Variants in PHF12 observed in about 807,000 individuals in gnomAD.
PHF12 encodes the protein PHD factor 1.
Under a neutral mutation model 99.8 loss-of-function variants are expected in PHF12, and 6 were observed. The ratio of observed to expected loss-of-function variants is 0.06; its 90% CI spans 0.03 to 0.12. The LOEUF (loss-of-function observed/expected upper bound fraction) is 0.12. Among genes scored for constraint, PHF12 ranks in the 10% least tolerant of loss-of-function variants. PHF12 has a pLI of 1.00. For synonymous variants in PHF12, 480 were observed against 514.9 expected (o/e 0.93, Z 0.92); for missense variants, 954 against 1,300.1 (o/e 0.73, Z 4.09).
intron 3 of PHF12, chr17:28,926,335 G>A (rs796602447): frequency 1.6e-5 from 3 of 182,866 alleles, no homozygotes; most frequent in African/African-American, 7.2e-5. Flanking sequence ...GCACAGGGGG[G>A]TGGATTACAA....
At chr17:28,927,477 C>T (rs922631116) in intron 2 of PHF12, among the ~76,000 whole-genome samples, 2 of 152,188 alleles carry the variant, frequency 1.3e-5, no homozygotes, top group African/African-American at 4.8e-5. Context: ...CTTCCTATTT[C>T]TTCCTCTAGA....
chr17:28,926,424 C>T (rs924993749), intron 3 of PHF12: 5 of 234,720 alleles, frequency 2.1e-5, no homozygotes, highest in Non-Finnish European at 4.3e-5. Flanking sequence ...ACACCTACTT[C>T]CTTTTTTAAT....
At position 28,906,389 on chromosome 17, in the gene PHF12, T is replaced by C. The variant is rs1413691176; in HGVS notation, c.2809A>G (p.Ser937Gly). The C allele has an allele frequency of 1.2e-6, 2 of 1,614,110 alleles. No homozygotes were observed. The highest frequency in any genetic ancestry group is 1.1e-5 in the South Asian group (1 of 91,090). The change falls in exon 15 of 15, where the codon AGT (serine) becomes GGT (glycine). Residue 937 changes from serine to glycine, a missense_variant. This residue lies in a region of PHF12 where 136 missense variants were observed against 172.3 expected (regional missense o/e 0.79). Transcript: ENST00000332830. This position sits in a 1 kb window ranked among gnomAD's most constrained non-coding sequence, Gnocchi z 4.2. ...GCTGTGCCCTCCCAGCCGGCCCCAC[T>C]GCCCCCAATCAAGCTCGAGCTGCTG... is the stretch of plus-strand genomic sequence containing the variant. ...KASSSSLIGGSGAGWEGTALL... is the reference protein window; with the variant it reads ...KASSSSLIGGGGAGWEGTALL...
chr17:28,928,836 A>G (rs1006710938), intron 2 of PHF12, among the ~76,000 whole-genome samples: 2 of 152,036 alleles, frequency 1.3e-5, no homozygotes, highest in Admixed American at 6.6e-5. Context: ...GGTGGCTTAC[A>G]CTTGTAATCC....
chr17:28,925,545 G>A (rs1188023912), intron 3 of PHF12: 1 of 152,298 alleles, frequency 6.6e-6, no homozygotes, highest in Non-Finnish European at 1.5e-5. Flanking sequence ...TGAAAGGTAA[G>A]AGAGGCATCT....
rs1272303593 is a variant in PHF12, at chr17:28,949,331, A to C, written c.248+734T>G. Among the ~76,000 whole-genome samples the C allele has an allele frequency of 6.6e-6, 1 of 152,076 alleles. No individual in the cohort carries two copies. Among genetic ancestry groups the C allele is most frequent in the Non-Finnish European group, 1.5e-5 (1 of 67,990 alleles). On this transcript the variant is annotated intron_variant, in intron 2 of 14. Coordinates refer to ENST00000332830, the MANE Select transcript of PHF12 (RefSeq NM_001033561.2). The surrounding 1 kb of genome is among the most constrained non-coding windows in gnomAD (Gnocchi z 4.6). ...GAGGAGGGAAGAGGGAGGAGGAAGG[A>C]AGGCAGCTCTGAGAGGCAACAGGGG...
chr17:28,918,721 T>C lies in PHF12; in HGVS notation c.969+422A>G, dbSNP rs116117309. Among the ~76,000 whole-genome samples, 892 of 152,300 alleles carry C rather than the reference T, an allele frequency of 5.9e-3. 9 individuals are homozygous for C. The highest frequency in any genetic ancestry group is 0.02 in the African/African-American group (835 of 41,560). Reference sequence around the variant, plus strand: ...AGTCTGGAAAATAAACCCAAGACTCTTGGAAGAGAAAGCAATAGGACCTTC... The same window carrying C: ...AGTCTGGAAAATAAACCCAAGACTCCTGGAAGAGAAAGCAATAGGACCTTC... On this transcript the variant is annotated intron_variant, in intron 6 of 14. Transcript: ENST00000332830.
At chr17:28,939,999 T>TC (rs1208319786) in intron 2 of PHF12, among the ~76,000 whole-genome samples, 1 of 152,232 alleles carries the variant, frequency 6.6e-6, no homozygotes, top group African/African-American at 2.4e-5. Flanking sequence ...ACGGAGTTGC[T>TC]CCCTGCCCTG....
chr17:28,928,649 G>T (rs553859243), intron 2 of PHF12, among the ~76,000 whole-genome samples: 4 of 152,080 alleles, frequency 2.6e-5, no homozygotes, highest in Non-Finnish European at 5.9e-5. Context: ...GGGCGTGGTG[G>T]TGGGCACCTG....
intron 3 of PHF12, 114 bp downstream of exon 3, chr17:28,926,877 G>T (rs773131130): frequency 1.5e-5 from 24 of 1,579,026 alleles, no homozygotes; most frequent in Non-Finnish European, 1.9e-5. Context: ...TCCAGGGCTG[G>T]AAGAGACAAG....
chr17:28,936,543 A>G (rs995730766), intron 2 of PHF12, among the ~76,000 whole-genome samples: 1 of 152,234 alleles, frequency 6.6e-6, no homozygotes, highest in African/African-American at 2.4e-5. Flanking sequence ...AAAAGAGGTC[A>G]GTCACATGAA....
intron 12 of PHF12, chr17:28,907,944 T>C (rs2039899264): frequency 3.1e-6 from 1 of 325,308 alleles, no homozygotes; most frequent in African/African-American, 2.1e-5. Flanking sequence ...CTGAAGAGGA[T>C]GGGATATTTC....
Position 28,919,192 on chromosome 17 carries a change from G to A in PHF12, c.920C>T (p.Ala307Val). Residue 307 changes from alanine (A) to valine (V), a missense_variant, in exon 6 of 15, where the codon GCC becomes GTC. This residue lies in a region of PHF12 where 85 missense variants were observed against 196.6 expected (regional missense o/e 0.43). Transcript: ENST00000332830. ...ACACATCCATCTGCCCAGGGGCATG[G>A]CAGTGAGCGGCGGCTCGAGGCAATC... Reference protein sequence around the residue: ...HMDCLEPPLTAMPLGRWMCPN... With the variant: ...HMDCLEPPLTVMPLGRWMCPN... 1 of 1,614,208 alleles carries A rather than the reference G, an allele frequency of 6.2e-7. No homozygotes were observed. Among genetic ancestry groups the A allele is most frequent in the Non-Finnish European group, 8.5e-7 (1 of 1,180,014 alleles).
At chr17:28,918,855 T>G (rs936307073) in intron 6 of PHF12, among the ~76,000 whole-genome samples, 1 of 152,224 alleles carries the variant, frequency 6.6e-6, no homozygotes, top group African/African-American at 2.4e-5. Context: ...TCTAATATAC[T>G]CCCCTTTTAG....
chr17:28,912,367 T>G, intron 9 of PHF12, 115 bp downstream of exon 9: 18 of 1,438,400 alleles, frequency 1.3e-5, no homozygotes, highest in Non-Finnish European at 1.6e-5. Context: ...AGACAAACAA[T>G]ACAAAGGCCA....
rs2152666983 is a variant in PHF12, at chr17:28,924,180, T to C, written c.444A>G (p.Leu148=). 1.2e-6 allele frequency: 2 copies of C among 1,614,230 alleles called. No homozygotes were observed. Among genetic ancestry groups the C allele is most frequent in the Non-Finnish European group, 1.7e-6 (2 of 1,180,038 alleles). ...GGATCCGGGCATGGGCAATGGCCTTTAGTTCAGTTTTGCTGGCCGATCTGT... is the reference window on the plus strand; with the variant it reads ...GGATCCGGGCATGGGCAATGGCCTTCAGTTCAGTTTTGCTGGCCGATCTGT... ...LLDRSASKTE[L]KAIAHARILE... The change falls in exon 4 of 15, where the codon CTA becomes CTG. Residue 148 remains leucine, a synonymous_variant. Transcript: ENST00000332830.
intron 2 of PHF12, among the ~76,000 whole-genome samples, chr17:28,943,956 T>C (rs981342746): frequency 2.6e-5 from 4 of 152,206 alleles, no homozygotes; most frequent in East Asian, 1.9e-4. Flanking sequence ...TAGTGACTAG[T>C]TGAATTCCAT....
At chr17:28,935,643 A>G (rs1351295423) in intron 2 of PHF12, among the ~76,000 whole-genome samples, 2 of 152,212 alleles carry the variant, frequency 1.3e-5, no homozygotes, top group Non-Finnish European at 2.9e-5. Flanking sequence ...CATAACAGTA[A>G]AGCCCTAAAT....
chr17:28,944,143 A>C (rs1389203506), intron 2 of PHF12, among the ~76,000 whole-genome samples: 1 of 152,238 alleles, frequency 6.6e-6, no homozygotes, highest in African/African-American at 2.4e-5. Context: ...CTTTATATCT[A>C]TTAAAAATAC....
Sources: allele counts gnomAD v4.1 joint callset (sites outside exome capture counted in the v4.1 genomes callset), GRCh38; gene constraint gnomAD v4.1.1; regional missense constraint gnomAD v4.1.1; non-coding constraint Gnocchi (gnomAD v3.1); transcripts MANE v1.5; gene names NCBI Gene and HGNC (gene_info 2026-07-23, HGNC 2026-07-21).